STXBP6: variants seen among roughly 807,000 people sequenced by gnomAD.
STXBP6 encodes syntaxin binding protein 6.
A neutral mutation model predicts 26.9 loss-of-function variants in STXBP6; 21 were observed. The ratio of observed to expected loss-of-function variants is 0.78; its 90% CI spans 0.55 to 1.12. The LOEUF (loss-of-function observed/expected upper bound fraction) is 1.12, where lower values mean the gene tolerates loss of function less well. STXBP6 is among the 50% of genes most tolerant of loss of function. The probability of loss-of-function intolerance (pLI) is 0.00; values close to 1 mark genes in which losing one functional copy is unlikely to be tolerated. For synonymous variants in STXBP6, 97 were observed against 92.6 expected, an observed-to-expected ratio of 1.05 and a Z score of -0.27; for missense variants, 232 against 257.9, an observed-to-expected ratio of 0.90 and a Z score of 0.69.
At chr14:24,987,995 A>G (rs1475713872) in intron 1 of STXBP6, 7 of 566,106 alleles carry the variant, frequency 1.2e-5, no homozygotes, top group African/African-American at 1.0e-4. Flanking sequence ...AAGAACAATC[A>G]ACAAGTTAGC....
chr14:24,941,121 A>G (rs991339422), intron 2 of STXBP6, among the ~76,000 whole-genome samples: 2 of 152,184 alleles, frequency 1.3e-5, no homozygotes, highest in African/African-American at 4.8e-5. Context: ...CATCTATAAA[A>G]TTTGACAACA....
chr14:24,897,504 T>A lies in STXBP6; in HGVS notation c.155-40347A>T, dbSNP rs535064481. Among the ~76,000 whole-genome samples, 100 of 152,220 alleles carry A rather than the reference T, an allele frequency of 6.6e-4. 1 individual carries two copies. Among genetic ancestry groups the A allele is most frequent in the African/African-American group, 2.4e-3 (98 of 41,548 alleles). The stretch of plus-strand genomic sequence containing the variant: ...AATCTATCATGAAATGAAGTCAGGT[T>A]ACTTACAGTCATTATCTATCCAACT... On this transcript the variant is annotated intron_variant, in intron 2 of 5. Coordinates refer to ENST00000323944, the MANE Select transcript of STXBP6 (RefSeq NM_001394410.1).
At chr14:25,027,436 T>C (rs2075369102) in intron 1 of STXBP6, among the ~76,000 whole-genome samples, 1 of 152,194 alleles carries the variant, frequency 6.6e-6, no homozygotes, top group Admixed American at 6.5e-5. Context: ...GTGAACTTAA[T>C]CAATAAATGC....
At chr14:24,987,246 G>GA (rs1246289272) in intron 1 of STXBP6, among the ~76,000 whole-genome samples, 1 of 146,124 alleles carries the variant, frequency 6.8e-6, no homozygotes, top group Non-Finnish European at 1.5e-5. Context: ...GACTCGACCT[G>GA]ACAGATGTTG....
chr14:24,839,673 G>A (rs77102932), intron 4 of STXBP6, among the ~76,000 whole-genome samples: 3,213 of 152,230 alleles, frequency 0.021, 51 homozygotes, highest in Non-Finnish European at 0.031. Context: ...TTTACTCAGC[G>A]CCGGGCACTG....
intron 2 of STXBP6, among the ~76,000 whole-genome samples, chr14:24,934,932 C>A (rs1428300399): frequency 6.6e-6 from 1 of 151,870 alleles, no homozygotes; most frequent in East Asian, 1.9e-4. Flanking sequence ...AAAAAAATCT[C>A]AAAAAATACT....
At chr14:24,943,587 T>A (rs1450970480) in intron 2 of STXBP6, among the ~76,000 whole-genome samples, 1 of 152,178 alleles carries the variant, frequency 6.6e-6, no homozygotes, top group African/African-American at 2.4e-5. Flanking sequence ...AAAGGTAAAC[T>A]CAATGGAAAC....
At position 24,928,442 on chromosome 14, in the gene STXBP6, G is replaced by A. The variant is rs563725160; in HGVS notation, c.154+46223C>T. ...TATTCTGATCACAGCCATATGCTAA[G>A]CTGCTCATTTAGAATTTTAATAGTG... On this transcript the variant is annotated intron_variant, in intron 2 of 5. Coordinates refer to ENST00000323944, the MANE Select transcript of STXBP6 (RefSeq NM_001394410.1). Among the ~76,000 whole-genome samples, 49 of 151,530 alleles carry A rather than the reference G, an allele frequency of 3.2e-4. 1 individual carries two copies. Among genetic ancestry groups the A allele is most frequent in the Non-Finnish European group, 5.4e-4 (37 of 67,926 alleles).
chr14:25,035,860 A>G (rs1393513529), intron 1 of STXBP6, among the ~76,000 whole-genome samples: 1 of 152,228 alleles, frequency 6.6e-6, no homozygotes, highest in African/African-American at 2.4e-5. Flanking sequence ...AAATGAAGAA[A>G]GCATTCTTCT....
At chr14:24,968,453 C>G (rs1002593589) in intron 2 of STXBP6, among the ~76,000 whole-genome samples, 32 of 151,892 alleles carry the variant, frequency 2.1e-4, no homozygotes, top group Admixed American at 2.1e-3. Context: ...TTTTCTAATT[C>G]AGAAAGTCTG....
intron 1 of STXBP6, among the ~76,000 whole-genome samples, chr14:25,015,447 T>C (rs2075128319): frequency 6.6e-6 from 1 of 151,944 alleles, no homozygotes; most frequent in Admixed American, 6.6e-5. Context: ...AGGAGTTTAA[T>C]TTAATGTCAA....
At chr14:25,030,834 A>G in intron 1 of STXBP6, among the ~76,000 whole-genome samples, 1 of 152,118 alleles carries the variant, frequency 6.6e-6, no homozygotes. Context: ...ATTAAGGTAG[A>G]TTTAAATTAA....
At chr14:24,890,974 G>A (rs1289938357) in intron 2 of STXBP6, among the ~76,000 whole-genome samples, 1 of 152,178 alleles carries the variant, frequency 6.6e-6, no homozygotes, top group African/African-American at 2.4e-5. Flanking sequence ...TTGTGCCAGT[G>A]CACTGCTGCC....
intron 1 of STXBP6, among the ~76,000 whole-genome samples, chr14:24,990,412 A>T (rs1333834862): frequency 6.6e-6 from 1 of 152,160 alleles, no homozygotes; most frequent in African/African-American, 2.4e-5. Flanking sequence ...TAATCCCAGC[A>T]CTTAGGAAGG....
chr14:24,953,205 T>C (rs1432940102), intron 2 of STXBP6, among the ~76,000 whole-genome samples: 1 of 152,156 alleles, frequency 6.6e-6, no homozygotes, highest in Non-Finnish European at 1.5e-5. Context: ...GTGTGTCTCA[T>C]CTCCCTTTGT....
chr14:25,020,381 G>A (rs2075239661), intron 1 of STXBP6, among the ~76,000 whole-genome samples: 1 of 152,060 alleles, frequency 6.6e-6, no homozygotes. Flanking sequence ...TACTCCTCCA[G>A]CTGAATTTCC....
At chr14:24,882,615 A>G (rs2139443445) in intron 2 of STXBP6, among the ~76,000 whole-genome samples, 1 of 151,922 alleles carries the variant, frequency 6.6e-6, no homozygotes, top group Admixed American at 6.6e-5. Context: ...TCTCTTTCAC[A>G]TGCCTCCCTG....
chr14:24,993,098 G>A (rs1340705222), intron 1 of STXBP6, among the ~76,000 whole-genome samples: 5 of 152,004 alleles, frequency 3.3e-5, no homozygotes, highest in South Asian at 2.1e-4. Flanking sequence ...AGTCTCCTTT[G>A]GTGATCTCAG....
chr14:24,904,187 C>T (rs1190425781), intron 2 of STXBP6, among the ~76,000 whole-genome samples: 1 of 152,176 alleles, frequency 6.6e-6, no homozygotes, highest in African/African-American at 2.4e-5. Flanking sequence ...GTAAAGTTAT[C>T]TTCCCCGAAT....
Sources: gnomAD v4.1 joint callset for allele counts (sites outside exome capture counted in the v4.1 genomes callset) on GRCh38, gnomAD v4.1.1 for gene constraint, MANE v1.5 for transcripts, NCBI Gene and HGNC (gene_info 2026-07-23, HGNC 2026-07-21) for gene names.